SEMA3D: variants seen among roughly 807,000 people sequenced by gnomAD.
SEMA3D encodes semaphorin 3D.
In SEMA3D, 84 loss-of-function variants were observed where a neutral mutation model predicts 100.1. The observed-to-expected ratio is 0.84, with a 90% confidence interval of 0.70 to 1.01. The LOEUF is 1.01. Ranked by LOEUF, SEMA3D falls within the 50% of genes least tolerant of loss-of-function variation. The pLI is 0.00. For synonymous variants in SEMA3D, 312 were observed against 320.7 expected (o/e 0.97, Z 0.29); for missense variants, 875 against 934.1 (o/e 0.94, Z 0.82).
intron 6 of SEMA3D, among the ~76,000 whole-genome samples, chr7:85,071,604 G>A (rs1204479873): frequency 6.6e-6 from 1 of 152,178 alleles, no homozygotes; most frequent in South Asian, 2.1e-4. Flanking sequence ...ATCACAGAGT[G>A]CACTTACACA....
chr7:85,148,330 T>G (rs113449606), intron 2 of SEMA3D, among the ~76,000 whole-genome samples: 1,535 of 152,296 alleles, frequency 0.01, 25 homozygotes, highest in African/African-American at 0.035. Flanking sequence ...TGACTTGTTT[T>G]AGTGTTCTGT....
At chr7:85,182,097 T>A (rs1791426383) in intron 1 of SEMA3D, among the ~76,000 whole-genome samples, 1 of 152,198 alleles carries the variant, frequency 6.6e-6, no homozygotes, top group African/African-American at 2.4e-5. Context: ...ATCTTTTTTT[T>A]AGTTATTATT....
In SEMA3D at chr7:85,065,435, T is replaced by C. The variant is rs773502917; in HGVS notation, c.707A>G (p.Tyr236Cys). 7.4e-6 allele frequency: 12 copies of C among 1,613,012 alleles called. No individual in the cohort carries two copies. Among genetic ancestry groups the C allele is most frequent in the Non-Finnish European group, 1.0e-5 (12 of 1,179,362 alleles). ...AAAAAATCACAAACCATTGAGCCAGTAGTGCTCTGAAATGTCAGTTCTGAT... is the reference window on the plus strand; with the variant it reads ...AAAAAATCACAAACCATTGAGCCAGCAGTGCTCTGAAATGTCAGTTCTGAT... ...HYIRTDISEHYWLNGAKFIGT... is the reference protein window; with the variant it reads ...HYIRTDISEHCWLNGAKFIGT... Residue 236 changes from tyrosine (Y) to cysteine (C), a missense_variant, in exon 8 of 19, where the codon TAC becomes TGC. Physicochemically the swap from Tyr to Cys is radical, Grantham distance 194 (BLOSUM62 -2). Coordinates refer to ENST00000284136, the MANE Select transcript of SEMA3D (RefSeq NM_001384900.1).
chr7:85,194,597 G>GT, the SEMA3D span, among the ~76,000 whole-genome samples: 7 of 152,088 alleles, frequency 4.6e-5, no homozygotes, highest in Non-Finnish European at 8.8e-5. Context: ...GGGTTCTACA[G>GT]TTTTTTGCTT....
chr7:85,242,947 C>T, the SEMA3D span, among the ~76,000 whole-genome samples: 1 of 152,080 alleles, frequency 6.6e-6, no homozygotes, highest in Non-Finnish European at 1.5e-5. Flanking sequence ...TGGTATAAGG[C>T]TTTAGTAATG....
chr7:85,012,336 A>G (rs1466074011), intron 17 of SEMA3D, among the ~76,000 whole-genome samples: 1 of 151,826 alleles, frequency 6.6e-6, no homozygotes, highest in African/African-American at 2.4e-5. Flanking sequence ...TTAAGTGAAT[A>G]TATGATTTGA....
intron 18 of SEMA3D, among the ~76,000 whole-genome samples, chr7:85,006,559 A>C (rs188774800): frequency 6.6e-6 from 1 of 151,542 alleles, no homozygotes; most frequent in African/African-American, 2.4e-5. Context: ...TGGAATTTGG[A>C]AAAAAAATGT....
At chr7:85,220,593 T>A in the SEMA3D span, among the ~76,000 whole-genome samples, 1 of 152,064 alleles carries the variant, frequency 6.6e-6, no homozygotes, top group Admixed American at 6.6e-5. Flanking sequence ...ATTAAACTTC[T>A]CTGGATTTAG....
chr7:85,209,797 A>C, the SEMA3D span, among the ~76,000 whole-genome samples: 1 of 152,150 alleles, frequency 6.6e-6, no homozygotes, highest in Non-Finnish European at 1.5e-5. Context: ...CTTTATGTGC[A>C]ACATGTGTGC....
At chr7:85,199,563 T>C in the SEMA3D span, among the ~76,000 whole-genome samples, 1 of 152,164 alleles carries the variant, frequency 6.6e-6, no homozygotes, top group Non-Finnish European at 1.5e-5. Flanking sequence ...CTATCTTCTC[T>C]TATTTACTTT....
At chr7:85,050,647 A>G in intron 9 of SEMA3D, 1 of 429,906 alleles carries the variant, frequency 2.3e-6, no homozygotes, top group Non-Finnish European at 4.2e-6. Flanking sequence ...CTCTTGACCA[A>G]AATTTGCATT....
At chr7:85,066,913 C>CACACACACACACACACAGAGAG in intron 7 of SEMA3D, among the ~76,000 whole-genome samples, 69 of 127,816 alleles carry the variant, frequency 5.4e-4, no homozygotes, top group African/African-American at 1.8e-3. Flanking sequence ...CACACACACA[C>CACACACACACACACACAGAGAG]AGAGAGAGAG....
intron 2 of SEMA3D, among the ~76,000 whole-genome samples, chr7:85,126,816 A>G (rs964496709): frequency 2.0e-5 from 3 of 152,162 alleles, no homozygotes; most frequent in East Asian, 1.9e-4. Context: ...ACAGGGGGCT[A>G]TTATTTATTC....
chr7:85,236,811 T>TTTTGAGTAAATTGA, the SEMA3D span, among the ~76,000 whole-genome samples: 1 of 152,136 alleles, frequency 6.6e-6, no homozygotes, highest in Non-Finnish European at 1.5e-5. Context: ...AGCCAGATAA[T>TTTTGAGTAAATTGA]GTATCAATTT....
At chr7:85,003,488 T>C (rs1789710314) in intron 18 of SEMA3D, among the ~76,000 whole-genome samples, 1 of 152,020 alleles carries the variant, frequency 6.6e-6, no homozygotes, top group Admixed American at 6.6e-5. Flanking sequence ...GAAGGAGTCT[T>C]TAAGCATAAC....
rs1789347611 is a variant in SEMA3D at position 85,119,559 on chromosome 7, G to A, written c.151+2182C>T. Among the ~76,000 whole-genome samples the A allele has an allele frequency of 2.6e-5, 4 of 152,054 alleles. No homozygotes were observed. In the South Asian group the frequency reaches 8.3e-4, roughly 32 times the overall value. ...CACTTATAAGTGGGAACTAACCAAT[G>A]ACAACACGTGGACACCTAGAGGGGA... On this transcript the variant is annotated intron_variant, in intron 3 of 18. Transcript: ENST00000284136.
the SEMA3D span, among the ~76,000 whole-genome samples, chr7:85,200,213 G>C: frequency 6.6e-6 from 1 of 152,216 alleles, no homozygotes; most frequent in African/African-American, 2.4e-5. Flanking sequence ...CTTTGGAACT[G>C]GGTAACATGC....
At chr7:85,132,864 T>A (rs1789764851) in intron 2 of SEMA3D, among the ~76,000 whole-genome samples, 1 of 152,006 alleles carries the variant, frequency 6.6e-6, no homozygotes, top group Non-Finnish European at 1.5e-5. Flanking sequence ...TGGATCTTAT[T>A]AAAGAGCTTC....
intron 9 of SEMA3D, among the ~76,000 whole-genome samples, chr7:85,054,684 G>A (rs947695056): frequency 6.6e-6 from 1 of 152,074 alleles, no homozygotes; most frequent in African/African-American, 2.4e-5. Context: ...AGAAGCCTGA[G>A]GGTACAGATT....
Sources: gnomAD v4.1 joint callset for allele counts (sites outside exome capture counted in the v4.1 genomes callset) on GRCh38, gnomAD v4.1.1 for gene constraint, MANE v1.5 for transcripts, NCBI Gene and HGNC (gene_info 2026-07-23, HGNC 2026-07-21) for gene names.